MEGF11: variants seen among roughly 807,000 people sequenced by gnomAD.
MEGF11 encodes multiple epidermal growth factor-like domains protein 11.
A neutral mutation model predicts 146.6 loss-of-function variants in MEGF11; 126 were observed. That is an observed-to-expected ratio of 0.86 (90% CI 0.74 to 1.00). MEGF11 has a LOEUF of 1.00. MEGF11 is among the 50% of genes least tolerant of loss of function. The probability of loss-of-function intolerance (pLI) is 0.00; values close to 1 mark genes in which losing one functional copy is unlikely to be tolerated. For synonymous variants in MEGF11, 532 were observed against 583.4 expected (o/e 0.91, Z 1.27); for missense variants, 1,509 against 1,521.2 (o/e 0.99, Z 0.13).
At chr15:66,090,037 C>A (rs1248412482) in intron 5 of MEGF11, among the ~76,000 whole-genome samples, 1 of 152,172 alleles carries the variant, frequency 6.6e-6, no homozygotes. Flanking sequence ...GGTGTGTCAG[C>A]CCACCAGGCA....
intron 5 of MEGF11, among the ~76,000 whole-genome samples, chr15:66,074,504 A>C (rs1260226643): frequency 1.3e-5 from 2 of 152,270 alleles, no homozygotes; most frequent in Non-Finnish European, 2.9e-5. Context: ...CGAGTTTTTC[A>C]AACTGCAGTT....
intron 1 of MEGF11, among the ~76,000 whole-genome samples, chr15:66,196,270 G>C (rs561611296): frequency 2.0e-5 from 3 of 152,218 alleles, no homozygotes; most frequent in East Asian, 3.9e-4. Flanking sequence ...TCAGGAGTTT[G>C]AGTCCAGCCT....
intron 4 of MEGF11, among the ~76,000 whole-genome samples, chr15:66,098,832 T>A (rs987519844): frequency 6.6e-6 from 1 of 152,192 alleles, no homozygotes; most frequent in Non-Finnish European, 1.5e-5. Flanking sequence ...TACGTATTAG[T>A]GTGTGTCTGT....
rs572910265 is a variant in MEGF11, at chr15:66,189,357, C to T, written c.-8-60946G>A. On this transcript the variant is annotated intron_variant, in intron 1 of 25. Coordinates refer to ENST00000395614, the MANE Select transcript of MEGF11 (RefSeq NM_001385028.1). ...GGAAGGGGACATGTAATAAACATAA[C>T]GAATGTGGGTATCACACTTCATGCT... 5.7e-4 allele frequency among the ~76,000 whole-genome samples: 87 copies of T among 152,072 alleles called. 1 individual carries two copies. Among genetic ancestry groups the T allele is most frequent in the Non-Finnish European group, 1.0e-3 (71 of 68,014 alleles).
chr15:66,119,152 G>C lies in MEGF11; in HGVS notation c.235C>G (p.Arg79Gly). 1 of 1,551,542 alleles carries C rather than the reference G, an allele frequency of 6.4e-7. No individual in the cohort carries two copies. The highest frequency in any genetic ancestry group is 8.7e-7 in the Non-Finnish European group (1 of 1,147,000). ...SYKTAYRRGL[R>G]TMYRRRSQCC... ...TGGGACCTCCGCCGGTACATGGTCC[G>C]GAGGCCTCTCCGATACGCCGTCTTA... The change falls in exon 4 of 26, where the codon CGG becomes GGG. Residue 79 changes from arginine to glycine, a missense_variant. Transcript: ENST00000395614.
intron 5 of MEGF11, among the ~76,000 whole-genome samples, chr15:66,089,244 T>C (rs2140629093): frequency 6.6e-6 from 1 of 152,340 alleles, no homozygotes; most frequent in East Asian, 1.9e-4. Context: ...TGGTTCCAGC[T>C]GCCTTCATCA....
intron 5 of MEGF11, among the ~76,000 whole-genome samples, chr15:66,066,594 A>G (rs1377112916): frequency 4.6e-5 from 7 of 152,158 alleles, no homozygotes; most frequent in Non-Finnish European, 1.0e-4. Context: ...CCTGCTCACT[A>G]CAGGTCTGTC....
intron 1 of MEGF11, among the ~76,000 whole-genome samples, chr15:66,205,179 G>A (rs1355189771): frequency 1.3e-5 from 2 of 152,136 alleles, no homozygotes; most frequent in African/African-American, 4.8e-5. Context: ...AGTGGCTCAT[G>A]CCTGGAGTTC....
chr15:66,183,967 C>CA (rs949510363), intron 1 of MEGF11, among the ~76,000 whole-genome samples: 3 of 151,564 alleles, frequency 2.0e-5, no homozygotes, highest in Admixed American at 6.6e-5. Context: ...AGAAGACAGG[C>CA]AAAAAAAGAG....
Position 65,898,911 on chromosome 15 carries a change from T to A in MEGF11, c.3079A>T (p.Ser1027Cys). The A allele has an allele frequency of 6.2e-7, 1 of 1,613,884 alleles. No homozygotes were observed. Among genetic ancestry groups the A allele is most frequent in the Non-Finnish European group, 8.5e-7 (1 of 1,179,772 alleles). Residue 1027 changes from serine (S) to cysteine (C), a missense_variant, in exon 25 of 26, where the codon AGT becomes TGT. Ser to Cys is a moderately radical substitution (Grantham distance 112). Coordinates refer to ENST00000395614, the MANE Select transcript of MEGF11 (RefSeq NM_001385028.1). ...CTATTCAAGGAACAAGTACTAGAACTGCACACGGATTCTTTCATGTAATCT... is the reference window on the plus strand; with the variant it reads ...CTATTCAAGGAACAAGTACTAGAACAGCACACGGATTCTTTCATGTAATCT... ...FKDYMKESVC[S>C]SSTCSLNSSE...
chr15:66,017,588 G>A (rs1292510902), intron 5 of MEGF11, among the ~76,000 whole-genome samples: 1 of 152,092 alleles, frequency 6.6e-6, no homozygotes, highest in Non-Finnish European at 1.5e-5. Flanking sequence ...CCCCTCCCAG[G>A]ATGCCTCCCC....
At chr15:66,074,010 A>G (rs2085475091) in intron 5 of MEGF11, among the ~76,000 whole-genome samples, 1 of 152,228 alleles carries the variant, frequency 6.6e-6, no homozygotes, top group East Asian at 1.9e-4. Flanking sequence ...ACCATAGTGT[A>G]TCCATCAAAC....
Position 65,897,842 on chromosome 15 carries a change from C to T in MEGF11, c.*92G>A. The T allele has an allele frequency of 4.2e-6, 5 of 1,186,818 alleles. No homozygotes were observed. The highest frequency in any genetic ancestry group is 5.9e-6 in the Non-Finnish European group (5 of 854,570). The allele number at this position is 1,186,818 out of a possible 1,614,324, so 73.5% of individuals were successfully genotyped here. A position where few individuals can be genotyped will look rare whatever the true frequency, so the allele number is the denominator to read the frequency against. Reference sequence around the variant, plus strand: ...GTAATAACTAACATGCAGCTGGAGCCAGTCTGTACCATTACTTCAAGTCAA... The same window carrying T: ...GTAATAACTAACATGCAGCTGGAGCTAGTCTGTACCATTACTTCAAGTCAA... On this transcript the variant is annotated 3_prime_UTR_variant, in exon 26 of 26. Transcript: ENST00000395614.
chr15:65,962,043 C>T (rs894619634), intron 9 of MEGF11, among the ~76,000 whole-genome samples: 12 of 152,194 alleles, frequency 7.9e-5, no homozygotes, highest in Admixed American at 6.5e-4. Context: ...ATTACGGATA[C>T]TTGCTTAGAC....
At chr15:66,196,201 G>T (rs974345768) in intron 1 of MEGF11, among the ~76,000 whole-genome samples, 1 of 152,178 alleles carries the variant, frequency 6.6e-6, no homozygotes, top group Non-Finnish European at 1.5e-5. Flanking sequence ...GTCAGGCGTG[G>T]TGGCTCATGC....
intron 7 of MEGF11, among the ~76,000 whole-genome samples, chr15:65,971,781 C>T (rs911927811): frequency 6.6e-6 from 1 of 152,108 alleles, no homozygotes; most frequent in Non-Finnish European, 1.5e-5. Flanking sequence ...GGCCAAGGAT[C>T]ACCAGATATT....
chr15:66,224,370 T>C (rs1048793397), intron 1 of MEGF11, among the ~76,000 whole-genome samples: 1 of 151,816 alleles, frequency 6.6e-6, no homozygotes, highest in African/African-American at 2.4e-5. Context: ...AGGCCGGGAG[T>C]TCGAGACCAG....
intron 1 of MEGF11, among the ~76,000 whole-genome samples, chr15:66,217,797 C>T (rs1004563980): frequency 7.9e-5 from 12 of 152,214 alleles, no homozygotes; most frequent in African/African-American, 2.4e-4. Context: ...TTCTAGAACT[C>T]GGGCCTCCTG....
rs766743610 is a variant in MEGF11, at chr15:65,922,467, G to A, written c.1828C>T (p.Pro610Ser). The A allele has an allele frequency of 1.1e-5, 18 of 1,569,536 alleles. No individual in the cohort carries two copies. The highest frequency in any genetic ancestry group is 1.5e-5 in the Non-Finnish European group (17 of 1,157,802). Residue 610 changes from proline (P) to serine (S), a missense_variant, in exon 15 of 26, where the codon CCC becomes TCC. Coordinates refer to ENST00000395614, the MANE Select transcript of MEGF11 (RefSeq NM_001385028.1). ...CAGCCGTGGCCATAGAACCCAGGGG[G>A]GCAGACTGAGGGTGAAGGGAAGATG... ...FRGPLCQRIC[P>S]PGFYGHGCAQ...
Sources: gnomAD v4.1 joint callset for allele counts (sites outside exome capture counted in the v4.1 genomes callset) on GRCh38, gnomAD v4.1.1 for gene constraint, MANE v1.5 for transcripts, NCBI Gene and HGNC (gene_info 2026-07-23, HGNC 2026-07-21) for gene names.